EPM2A: variants seen among roughly 807,000 people sequenced by gnomAD.
EPM2A encodes the protein laforin.
Under a neutral mutation model 26.5 loss-of-function variants are expected in EPM2A, and 21 were observed. The ratio of observed to expected loss-of-function variants is 0.79; its 90% confidence interval spans 0.56 to 1.14. The LOEUF (loss-of-function observed/expected upper bound fraction) is 1.14. Among genes scored for constraint, EPM2A ranks in the 50% most tolerant of loss-of-function variants. EPM2A has a pLI of 0.00. For synonymous variants in EPM2A, 217 were observed against 177.6 expected, an observed-to-expected ratio of 1.22 and a Z score of -1.76; for missense variants, 458 against 440.8, an observed-to-expected ratio of 1.04 and a Z score of -0.35.
chr6:145,622,513 G>A (rs763766091), downstream of EPM2A, among the ~76,000 whole-genome samples: 1 of 152,174 alleles, frequency 6.6e-6, no homozygotes, highest in East Asian at 1.9e-4. Flanking sequence ...AATTAGTTAA[G>A]AAGAGGCCAT....
chr6:145,488,322 A>T (rs1395355355), intron 4 of EPM2A, among the ~76,000 whole-genome samples: 1 of 152,088 alleles, frequency 6.6e-6, no homozygotes, highest in African/African-American at 2.4e-5. Flanking sequence ...TTCCACATGA[A>T]TTTTAAAATA....
At chr6:145,727,915 G>C (rs77614440) in intron 1 of EPM2A, among the ~76,000 whole-genome samples, 2,367 of 152,260 alleles carry the variant, frequency 0.016, 55 homozygotes, top group African/African-American at 0.053. Context: ...GGCCTGGTGA[G>C]AGACGATTGA....
Position 145,610,088 on chromosome 6 carries a change from G to A in EPM2A, c.340+25157C>T, listed in dbSNP as rs146480674. 8.9e-4 allele frequency among the ~76,000 whole-genome samples: 135 copies of A among 152,018 alleles called. 1 individual carries two copies. In the East Asian group the frequency reaches 0.02, roughly 23 times the overall value. ...AAATTAGCGGGGCCTGGTGGCACGC[G>A]CCTGTAATCCCAGCTACTTAGGAGG... On this transcript the variant is annotated intron_variant, in intron 2 of 3. Coordinates refer to the EPM2A transcript ENST00000450221.
intron 2 of EPM2A, among the ~76,000 whole-genome samples, chr6:145,552,501 CA>C (rs1182270561): frequency 6.6e-6 from 1 of 151,904 alleles, no homozygotes; most frequent in Non-Finnish European, 1.5e-5. Context: ...CTTTCAAAAA[CA>C]AATAGCAAAG....
chr6:145,445,891 T>C (rs1305915050), intron 4 of EPM2A, among the ~76,000 whole-genome samples: 9 of 152,230 alleles, frequency 5.9e-5, no homozygotes, highest in Non-Finnish European at 8.8e-5. Flanking sequence ...AAAAAGCACA[T>C]GTAAATGATG....
At chr6:145,695,063 G>A (rs1216738960) in intron 1 of EPM2A, among the ~76,000 whole-genome samples, 1 of 151,788 alleles carries the variant, frequency 6.6e-6, no homozygotes, top group East Asian at 1.9e-4. Flanking sequence ...TAACATGAGA[G>A]TTAAAAGACA....
chr6:145,385,586 AT>A (rs1303457546), intron 4 of EPM2A, among the ~76,000 whole-genome samples: 1 of 152,048 alleles, frequency 6.6e-6, no homozygotes, highest in Non-Finnish European at 1.5e-5. Flanking sequence ...AATGCTTTTT[AT>A]TTATCTGGGC....
intron 2 of EPM2A, among the ~76,000 whole-genome samples, chr6:145,592,634 C>A (rs901816106): frequency 7.2e-5 from 11 of 152,092 alleles, no homozygotes; most frequent in Non-Finnish European, 1.2e-4. Flanking sequence ...ATATCCTCTC[C>A]AGTACCTGTT....
At chr6:145,698,354 G>A (rs1781731755) in intron 1 of EPM2A, among the ~76,000 whole-genome samples, 1 of 152,178 alleles carries the variant, frequency 6.6e-6, no homozygotes, top group Admixed American at 6.5e-5. Flanking sequence ...AAGGCATGCA[G>A]AAAAAGGAAA....
chr6:145,544,792 GAGAGA>G (rs1481795005), intron 2 of EPM2A, among the ~76,000 whole-genome samples: 1 of 152,072 alleles, frequency 6.6e-6, no homozygotes, highest in African/African-American at 2.4e-5. Context: ...GCTTTTTTTG[GAGAGA>G]AATAGTAGAT....
chr6:145,496,010 T>G (rs1779814813), intron 4 of EPM2A, among the ~76,000 whole-genome samples: 1 of 152,224 alleles, frequency 6.6e-6, no homozygotes, highest in African/African-American at 2.4e-5. Context: ...TTATCAACTC[T>G]CTCAGCATTT....
chr6:145,437,269 C>G (rs1448706879), intron 4 of EPM2A, among the ~76,000 whole-genome samples: 1 of 152,124 alleles, frequency 6.6e-6, no homozygotes, highest in Admixed American at 6.5e-5. Flanking sequence ...TCCCCTTCGC[C>G]TTCTCCCATG....
intron 2 of EPM2A, among the ~76,000 whole-genome samples, chr6:145,598,787 G>C (rs1781381296): frequency 2.0e-5 from 3 of 152,266 alleles, no homozygotes; most frequent in Non-Finnish European, 2.9e-5. Flanking sequence ...TTTGAATATG[G>C]TGTAGGGAAG....
At chr6:145,537,378 A>G (rs1293694224) in intron 2 of EPM2A, among the ~76,000 whole-genome samples, 1 of 152,200 alleles carries the variant, frequency 6.6e-6, no homozygotes, top group Non-Finnish European at 1.5e-5. Context: ...CCTGTCTCAC[A>G]TCCTGACTAC....
chr6:145,729,705 T>C (rs574961078), intron 1 of EPM2A, among the ~76,000 whole-genome samples: 3 of 152,320 alleles, frequency 2.0e-5, no homozygotes, highest in African/African-American at 7.2e-5. Context: ...TTGTCTCAGA[T>C]GAGACTTTGG....
chr6:145,721,949 A>G (rs575839668), intron 1 of EPM2A, among the ~76,000 whole-genome samples: 1 of 152,326 alleles, frequency 6.6e-6, no homozygotes, highest in East Asian at 1.9e-4. Flanking sequence ...ACCTGTGAGC[A>G]TGCAACACTA....
At chr6:145,722,131 G>C (rs1039712511) in intron 1 of EPM2A, among the ~76,000 whole-genome samples, 1 of 152,094 alleles carries the variant, frequency 6.6e-6, no homozygotes, top group Non-Finnish European at 1.5e-5. Context: ...TTATACACCT[G>C]GATTATTTTA....
At chr6:145,481,416 T>C (rs938507688) in intron 4 of EPM2A, among the ~76,000 whole-genome samples, 9 of 152,154 alleles carry the variant, frequency 5.9e-5, no homozygotes, top group Non-Finnish European at 1.3e-4. Context: ...TATCACACTA[T>C]TTCAAGGATA....
intron 1 of EPM2A, among the ~76,000 whole-genome samples, chr6:145,700,061 GT>G (rs1472483508): frequency 6.6e-6 from 1 of 152,082 alleles, no homozygotes; most frequent in Non-Finnish European, 1.5e-5. Flanking sequence ...TTCATTCAAT[GT>G]GATAATAATC....
Sources: gnomAD v4.1 joint callset for allele counts (sites outside exome capture counted in the v4.1 genomes callset) on GRCh38, gnomAD v4.1.1 for gene constraint, MANE v1.5 for transcripts, NCBI Gene and HGNC (gene_info 2026-07-23, HGNC 2026-07-21) for gene names.